Variants in SETD3 observed in about 807,000 individuals in gnomAD.
SETD3 encodes SET domain containing 3, actin N3(tau)-histidine methyltransferase.
In SETD3, 19 loss-of-function variants were observed where a neutral mutation model predicts 63.0. That is an observed-to-expected ratio of 0.30 (90% confidence interval 0.21 to 0.44). SETD3 has a LOEUF of 0.44. SETD3 is among the 20% of genes least tolerant of loss of function. The pLI, the probability that SETD3 is intolerant of heterozygous loss-of-function variation, is 1.00. For synonymous variants in SETD3, 286 were observed against 264.1 expected (o/e 1.08, Z -0.80); for missense variants, 587 against 728.5 (o/e 0.81, Z 2.24).
At chr14:99,467,298 T>C (rs1468066147) in intron 1 of SETD3, among the ~76,000 whole-genome samples, 1 of 152,224 alleles carries the variant, frequency 6.6e-6, no homozygotes, top group Non-Finnish European at 1.5e-5. Context: ...GAATTTTTTT[T>C]CTGTGATCAA....
In SETD3 at chr14:99,459,246, A is replaced by G. The variant is rs534493608; in HGVS notation, c.346-61T>C. The G allele has an allele frequency of 5.1e-6, 6 of 1,184,430 alleles. No individual in the cohort carries two copies. The African/African-American group carries it at 7.7e-5, about 15-fold the overall frequency. 73.4% of individuals were successfully genotyped at this position (1,184,430 alleles called of 1,614,324 possible). A position where few individuals can be genotyped will look rare whatever the true frequency, so the allele number is the denominator to read the frequency against. Reference sequence around the variant, plus strand: ...ACACGGTACAGTCTTCAATCCAACCATATCTACGGTCAGAAATCCAATCAC... The same window carrying G: ...ACACGGTACAGTCTTCAATCCAACCGTATCTACGGTCAGAAATCCAATCAC... On this transcript the variant is annotated intron_variant, in intron 4 of 12. Transcript: ENST00000331768.
chr14:99,409,264 C>T (rs1283356495), intron 8 of SETD3, among the ~76,000 whole-genome samples: 1 of 152,264 alleles, frequency 6.6e-6, no homozygotes, highest in Middle Eastern at 3.4e-3. Flanking sequence ...TCAGTCCCTA[C>T]CCATAGGGAC....
intron 6 of SETD3, among the ~76,000 whole-genome samples, chr14:99,452,161 C>T (rs756316885): frequency 7.2e-5 from 11 of 152,174 alleles, no homozygotes; most frequent in East Asian, 1.9e-4. Context: ...GGCTAGAGTG[C>T]AGTGGCACGA....
intron 6 of SETD3, among the ~76,000 whole-genome samples, chr14:99,435,948 G>A (rs566222892): frequency 3.4e-4 from 52 of 152,108 alleles, no homozygotes; most frequent in Non-Finnish European, 6.9e-4. Flanking sequence ...AAGCTAAGAG[G>A]TTTAATTGAC....
At chr14:99,460,827 C>T (rs1895024766) in intron 4 of SETD3, among the ~76,000 whole-genome samples, 1 of 152,192 alleles carries the variant, frequency 6.6e-6, no homozygotes, top group South Asian at 2.1e-4. Flanking sequence ...AGTAGGCATA[C>T]CCACACCGCC....
At chr14:99,404,049 A>G (rs563117516) in intron 11 of SETD3, among the ~76,000 whole-genome samples, 176 bp downstream of exon 11, 99 of 152,358 alleles carry the variant, frequency 6.5e-4, no homozygotes, top group Non-Finnish European at 1.0e-3. Context: ...GGATTTAATA[A>G]AACATTTCTA....
chr14:99,473,085 C>A (rs1416400802), intron 1 of SETD3, among the ~76,000 whole-genome samples: 1 of 152,234 alleles, frequency 6.6e-6, no homozygotes, highest in Non-Finnish European at 1.5e-5. Context: ...ACAACCTCCC[C>A]ATCTAACAGA....
At chr14:99,422,467 C>A (rs191600344) in intron 6 of SETD3, among the ~76,000 whole-genome samples, 21 of 152,286 alleles carry the variant, frequency 1.4e-4, no homozygotes, top group African/African-American at 4.3e-4. Context: ...AAACATTCTG[C>A]TTTTAAGCCT....
chr14:99,447,011 C>T (rs1894171658), intron 6 of SETD3, among the ~76,000 whole-genome samples: 1 of 150,570 alleles, frequency 6.6e-6, no homozygotes, highest in Admixed American at 6.6e-5. Flanking sequence ...CTCACTCTGT[C>T]ACCCAGGCTA....
chr14:99,467,449 G>A (rs1167432753), intron 1 of SETD3, among the ~76,000 whole-genome samples: 1 of 152,240 alleles, frequency 6.6e-6, no homozygotes, highest in African/African-American at 2.4e-5. Flanking sequence ...GCACAGCCTG[G>A]ACACAGCACC....
chr14:99,476,150 C>G (rs1202702951), intron 1 of SETD3, among the ~76,000 whole-genome samples: 3 of 152,220 alleles, frequency 2.0e-5, no homozygotes, highest in African/African-American at 7.2e-5. Context: ...GATGAGAAAG[C>G]TGACGCTTAC....
chr14:99,460,683 G>GAACC (rs1475837529), intron 4 of SETD3, among the ~76,000 whole-genome samples: 1 of 152,202 alleles, frequency 6.6e-6, no homozygotes, highest in African/African-American at 2.4e-5. Flanking sequence ...GAAGAACCAA[G>GAACC]AACCAAGAGG....
chr14:99,424,965 C>A (rs1157982912), intron 6 of SETD3, among the ~76,000 whole-genome samples: 1 of 152,012 alleles, frequency 6.6e-6, no homozygotes, highest in Non-Finnish European at 1.5e-5. Flanking sequence ...ACACTCAGCA[C>A]CCGGGAGCAG....
chr14:99,470,492 T>C (rs1444820074), intron 1 of SETD3, among the ~76,000 whole-genome samples: 1 of 152,148 alleles, frequency 6.6e-6, no homozygotes. Flanking sequence ...TTCCAGTAAA[T>C]GTATCTCCCT....
chr14:99,436,484 C>T (rs1238554838), intron 6 of SETD3, among the ~76,000 whole-genome samples: 1 of 152,206 alleles, frequency 6.6e-6, no homozygotes, highest in Non-Finnish European at 1.5e-5. Flanking sequence ...ACACCATCCA[C>T]TAGTACTCCC....
At chr14:99,421,247 A>G (rs908750579) in intron 6 of SETD3, among the ~76,000 whole-genome samples, 1 of 152,154 alleles carries the variant, frequency 6.6e-6, no homozygotes, top group Non-Finnish European at 1.5e-5. Flanking sequence ...GTAAAAAGTT[A>G]TTATTTTATA....
intron 1 of SETD3, among the ~76,000 whole-genome samples, chr14:99,471,023 TACCTGGCTAAA>T (rs1895673572): frequency 6.6e-6 from 1 of 152,096 alleles, no homozygotes; most frequent in Non-Finnish European, 1.5e-5. Flanking sequence ...ACCTAAAATT[TACCTGGCTAAA>T]ACCCCACCTC....
intron 6 of SETD3, among the ~76,000 whole-genome samples, chr14:99,452,515 G>C (rs1164647714): frequency 1.3e-5 from 2 of 152,204 alleles, no homozygotes; most frequent in Non-Finnish European, 2.9e-5. Context: ...TGGGAGGACA[G>C]AGCACAGGAA....
At chr14:99,455,484 G>C (rs1894706548) in intron 6 of SETD3, among the ~76,000 whole-genome samples, 1 of 152,168 alleles carries the variant, frequency 6.6e-6, no homozygotes, top group South Asian at 2.1e-4. Flanking sequence ...TAAAAAGAAG[G>C]GGTATGTGTT....
Sources: gnomAD v4.1 joint callset for allele counts (sites outside exome capture counted in the v4.1 genomes callset) on GRCh38, gnomAD v4.1.1 for gene constraint, MANE v1.5 for transcripts, NCBI Gene and HGNC (gene_info 2026-07-23, HGNC 2026-07-21) for gene names.